The following SCAI variants were observed in gnomAD, a reference collection of about 807,000 sequenced individuals.
SCAI encodes suppressor of cancer cell invasion.
A neutral mutation model predicts 92.2 loss-of-function variants in SCAI; 24 were observed. The observed-to-expected ratio is 0.26, with a 90% confidence interval of 0.19 to 0.37. The LOEUF is 0.37. Among genes scored for constraint, SCAI ranks in the 10% least tolerant of loss-of-function variants. SCAI has a pLI of 1.00. For missense variants in SCAI, 450 were observed against 736.2 expected (o/e 0.61, Z 4.50); for synonymous variants, 261 against 258.6 (o/e 1.01, Z -0.09).
chr9:125,009,393 C>G (rs1832583873), intron 9 of SCAI, among the ~76,000 whole-genome samples: 1 of 152,150 alleles, frequency 6.6e-6, no homozygotes, highest in Non-Finnish European at 1.5e-5. Flanking sequence ...CCTCAGCCTC[C>G]CAAGTAGCTG....
At chr9:125,032,195 A>ATATTTAT (rs1177865840) in intron 3 of SCAI, among the ~76,000 whole-genome samples, 1 of 99,476 alleles carries the variant, frequency 1.0e-5, no homozygotes, top group Non-Finnish European at 1.8e-5. Flanking sequence ...ATATATATAT[A>ATATTTAT]TTTTTTTTTT....
intron 2 of SCAI, among the ~76,000 whole-genome samples, chr9:125,071,902 C>T (rs777487168): frequency 1.3e-5 from 2 of 152,128 alleles, no homozygotes; most frequent in Non-Finnish European, 2.9e-5. Context: ...ATTAGCATGA[C>T]GTGTTCAGGG....
At chr9:125,081,993 A>T (rs941418522) in intron 2 of SCAI, among the ~76,000 whole-genome samples, 2 of 152,260 alleles carry the variant, frequency 1.3e-5, no homozygotes, top group African/African-American at 2.4e-5. Flanking sequence ...AGAAATTTGC[A>T]TAAGTAACGA....
chr9:125,084,728 T>C (rs893220146), intron 2 of SCAI, among the ~76,000 whole-genome samples: 3 of 152,184 alleles, frequency 2.0e-5, no homozygotes, highest in Non-Finnish European at 4.4e-5. Flanking sequence ...GCAGTGCTAA[T>C]GGGCCTGTCA....
chr9:125,065,036 T>A (rs1418400352), intron 2 of SCAI, among the ~76,000 whole-genome samples: 1 of 151,816 alleles, frequency 6.6e-6, no homozygotes, highest in African/African-American at 2.4e-5. Flanking sequence ...ACACATACAT[T>A]TAAAAAGAGG....
chr9:125,056,434 C>T (rs1833668933), intron 2 of SCAI, among the ~76,000 whole-genome samples: 2 of 152,028 alleles, frequency 1.3e-5, no homozygotes, highest in South Asian at 4.2e-4. Flanking sequence ...CATTGCACTC[C>T]AGCCTGGGTG....
intron 2 of SCAI, among the ~76,000 whole-genome samples, chr9:125,125,355 C>T (rs1835239505): frequency 6.6e-6 from 1 of 152,012 alleles, no homozygotes. Flanking sequence ...ATGGTGAAAC[C>T]CTGTCTCTAC....
At chr9:125,016,135 C>T (rs1832753957) in intron 9 of SCAI, among the ~76,000 whole-genome samples, 1 of 149,652 alleles carries the variant, frequency 6.7e-6, no homozygotes, top group Admixed American at 6.7e-5. Flanking sequence ...ACATATGTAA[C>T]TAACCTGAAC....
intron 15 of SCAI, among the ~76,000 whole-genome samples, chr9:124,974,890 C>T (rs1284801511): frequency 6.6e-6 from 1 of 152,170 alleles, no homozygotes; most frequent in Non-Finnish European, 1.5e-5. Flanking sequence ...CAAGGTCACA[C>T]AGCAAGTAAG....
At chr9:125,140,269 T>C (rs1835637139) in intron 2 of SCAI, among the ~76,000 whole-genome samples, 1 of 152,160 alleles carries the variant, frequency 6.6e-6, no homozygotes, top group South Asian at 2.1e-4. Flanking sequence ...GGCTCACACC[T>C]GTAATCCCAG....
intron 2 of SCAI, among the ~76,000 whole-genome samples, chr9:125,086,012 A>C (rs367824178): frequency 6.6e-6 from 1 of 152,326 alleles, no homozygotes; most frequent in East Asian, 1.9e-4. Context: ...TTTTTTAGCC[A>C]ATTTAAAAGT....
rs540314005 is a variant in SCAI, at chr9:125,077,342, G to T, written c.99-21335C>A. ...CTATTGTATGGATATGCCAAATTTT[G>T]TTTCTCCTTTCAACAAGTGATGAAC... On this transcript the variant is annotated intron_variant, in intron 2 of 17. Coordinates refer to ENST00000336505, the MANE Select transcript of SCAI (RefSeq NM_001144877.3). 3.3e-5 allele frequency among the ~76,000 whole-genome samples: 5 copies of T among 152,216 alleles called. 1 individual carries two copies. In the South Asian group the frequency reaches 1.0e-3, roughly 32 times the overall value.
chr9:125,064,622 G>A (rs917600945), intron 2 of SCAI, among the ~76,000 whole-genome samples: 4 of 152,098 alleles, frequency 2.6e-5, no homozygotes, highest in Non-Finnish European at 4.4e-5. Context: ...GAGGTGGGCA[G>A]ATCACCTGGG....
chr9:125,037,502 T>C (rs1206625920), intron 3 of SCAI, among the ~76,000 whole-genome samples: 1 of 152,224 alleles, frequency 6.6e-6, no homozygotes, highest in African/African-American at 2.4e-5. Flanking sequence ...TTTAATATTT[T>C]AGTGTATTTC....
intron 2 of SCAI, among the ~76,000 whole-genome samples, chr9:125,137,858 T>C (rs1835573356): frequency 6.6e-6 from 1 of 152,304 alleles, no homozygotes; most frequent in Admixed American, 6.5e-5. Flanking sequence ...CGCCTCAGCC[T>C]CCCAAAGTGC....
intron 9 of SCAI, among the ~76,000 whole-genome samples, chr9:125,013,328 T>TA (rs1256491932): frequency 2.0e-5 from 3 of 151,752 alleles, no homozygotes; most frequent in African/African-American, 4.8e-5. Context: ...ATAGACGCAA[T>TA]AAAAAATGAT....
rs1177865840 is a variant in SCAI at position 125,032,195 on chromosome 9, A to ATATATATTTTTT, written c.231-2457_231-2456insAAAAAATATATA. On this transcript the variant is annotated intron_variant, in intron 3 of 17. Transcript: ENST00000336505. Reference sequence around the variant, plus strand: ...AATATATATATATATATATATATATATTTTTTTTTTTTTTTGAGATGGAGT... The same window carrying ATATATATTTTTT: ...AATATATATATATATATATATATATATATATATTTTTTTTTTTTTTTTTTTTTGAGATGGAGT... Among the ~76,000 whole-genome samples the ATATATATTTTTT allele has an allele frequency of 7.7e-4, 77 of 99,418 alleles. No individual in the cohort carries two copies. The East Asian group carries it at 0.015, about 20-fold the overall frequency. 65.2% of individuals were successfully genotyped at this position (99,418 alleles called of 152,430 possible).
At chr9:125,138,437 G>A (rs1199661040) in intron 2 of SCAI, among the ~76,000 whole-genome samples, 3 of 149,900 alleles carry the variant, frequency 2.0e-5, no homozygotes, top group Non-Finnish European at 4.5e-5. Context: ...TTTTTTTTGA[G>A]GCGGAGTCTC....
At chr9:124,973,806 GA>G (rs5900639) in intron 15 of SCAI, among the ~76,000 whole-genome samples, 7,296 of 152,132 alleles carry the variant, frequency 0.048, 454 homozygotes, top group East Asian at 0.23. Context: ...TAGCCTGGGC[GA>G]CAGTGCAAGA....
Sources: gnomAD v4.1 joint callset for allele counts (sites outside exome capture counted in the v4.1 genomes callset) on GRCh38, gnomAD v4.1.1 for gene constraint, MANE v1.5 for transcripts, NCBI Gene and HGNC (gene_info 2026-07-23, HGNC 2026-07-21) for gene names.